CREB5: variants seen among roughly 807,000 people sequenced by gnomAD.
CREB5 encodes the protein cyclic AMP-responsive element-binding protein 5.
In CREB5, 19 loss-of-function variants were observed where a neutral mutation model predicts 57.1. The observed-to-expected ratio is 0.33, with a 90% confidence interval of 0.23 to 0.49. The LOEUF (loss-of-function observed/expected upper bound fraction) is 0.49, where lower values mean the gene tolerates loss of function less well. CREB5 is among the 20% of genes least tolerant of loss of function. The pLI is 0.99. For synonymous variants in CREB5, 238 were observed against 238.3 expected, an observed-to-expected ratio of 1.00 and a Z score of 0.01; for missense variants, 579 against 671.6, an observed-to-expected ratio of 0.86 and a Z score of 1.52.
At chr7:28,415,687 C>A (rs554377895) in intron 1 of CREB5, among the ~76,000 whole-genome samples, 2 of 152,090 alleles carry the variant, frequency 1.3e-5, no homozygotes, top group African/African-American at 4.8e-5. Context: ...GAGTAAAAAC[C>A]AGGCAGGACT....
chr7:28,412,299 A>C (rs972778892), upstream of CREB5, among the ~76,000 whole-genome samples: 3 of 152,188 alleles, frequency 2.0e-5, no homozygotes, highest in African/African-American at 7.2e-5. Context: ...TATCCACTAG[A>C]TGTGGATTAT....
chr7:28,346,747 C>T (rs898043772), intron 1 of CREB5, among the ~76,000 whole-genome samples: 6 of 152,140 alleles, frequency 3.9e-5, no homozygotes, highest in Non-Finnish European at 8.8e-5. Context: ...GAGCGGAGGG[C>T]CATCTTCTGG....
At chr7:28,738,859 G>A (rs149380019) in intron 7 of CREB5, among the ~76,000 whole-genome samples, 26 of 152,226 alleles carry the variant, frequency 1.7e-4, no homozygotes, top group South Asian at 6.2e-4. Context: ...GTCTCTAGCC[G>A]TCCACTGAGC....
chr7:28,644,407 T>C (rs1219588043), intron 5 of CREB5, among the ~76,000 whole-genome samples: 1 of 152,178 alleles, frequency 6.6e-6, no homozygotes, highest in Non-Finnish European at 1.5e-5. Flanking sequence ...TCAGATTATT[T>C]TGATGTAAAC....
Position 28,315,449 on chromosome 7 carries a change from C to T in CREB5, c.-25+16008C>T, listed in dbSNP as rs138548448. 1.2e-4 allele frequency among the ~76,000 whole-genome samples: 19 copies of T among 152,308 alleles called. 1 individual carries two copies. The East Asian group carries it at 3.1e-3, about 25-fold the overall frequency. ...GTTGGACCTGAGCAATGGGCAGGTGCCAGAGAACTCTGGACAAGAAGACGC... is the reference window on the plus strand; with the variant it reads ...GTTGGACCTGAGCAATGGGCAGGTGTCAGAGAACTCTGGACAAGAAGACGC... On this transcript the variant is annotated intron_variant, in intron 1 of 9. Coordinates refer to the CREB5 transcript ENST00000396299.
At chr7:28,565,497 A>T (rs182213934) in intron 4 of CREB5, among the ~76,000 whole-genome samples, 2 of 152,304 alleles carry the variant, frequency 1.3e-5, no homozygotes, top group African/African-American at 4.8e-5. Context: ...TAAAATAAGG[A>T]TAGTAATGCC....
chr7:28,467,312 T>C (rs188851645), intron 1 of CREB5, among the ~76,000 whole-genome samples: 1 of 152,290 alleles, frequency 6.6e-6, no homozygotes, highest in African/African-American at 2.4e-5. Context: ...GGACTGGCCA[T>C]GCCATTATGC....
chr7:28,600,680 T>C (rs1003784837), intron 5 of CREB5, among the ~76,000 whole-genome samples: 1 of 152,164 alleles, frequency 6.6e-6, no homozygotes, highest in Non-Finnish European at 1.5e-5. Context: ...CTATTACAAA[T>C]AAAAGTTAAA....
intron 1 of CREB5, among the ~76,000 whole-genome samples, chr7:28,347,406 T>C (rs1413914966): frequency 6.6e-6 from 1 of 152,194 alleles, no homozygotes; most frequent in Non-Finnish European, 1.5e-5. Flanking sequence ...GACAACAGTG[T>C]TTAGATTGAG....
chr7:28,719,318 G>A (rs558828247), intron 6 of CREB5, among the ~76,000 whole-genome samples: 1 of 152,306 alleles, frequency 6.6e-6, no homozygotes, highest in African/African-American at 2.4e-5. Context: ...TGCATATCAT[G>A]TTCTGTTGTT....
At chr7:28,334,154 T>C (rs755446137) in intron 1 of CREB5, among the ~76,000 whole-genome samples, 1 of 152,146 alleles carries the variant, frequency 6.6e-6, no homozygotes, top group Non-Finnish European at 1.5e-5. Context: ...GTTGAGCAGC[T>C]TTTTTTGTTT....
At chr7:28,569,864 A>G (rs1023159103) in intron 4 of CREB5, among the ~76,000 whole-genome samples, 1 of 152,194 alleles carries the variant, frequency 6.6e-6, no homozygotes, top group African/African-American at 2.4e-5. Context: ...TTGTGTCCTC[A>G]GTCCTGAGAT....
intron 1 of CREB5, among the ~76,000 whole-genome samples, chr7:28,401,988 C>T (rs1311935509): frequency 6.6e-6 from 1 of 152,202 alleles, no homozygotes; most frequent in African/African-American, 2.4e-5. Context: ...AATCACCACA[C>T]TGTCTTCCAC....
chr7:28,542,084 G>A (rs1396146016), intron 4 of CREB5, among the ~76,000 whole-genome samples: 1 of 152,168 alleles, frequency 6.6e-6, no homozygotes, highest in Non-Finnish European at 1.5e-5. Flanking sequence ...AGTAGCCAAC[G>A]TTTGACAAGG....
At chr7:28,399,724 G>T (rs1009608747) in intron 1 of CREB5, among the ~76,000 whole-genome samples, 41 of 152,038 alleles carry the variant, frequency 2.7e-4, no homozygotes, top group Non-Finnish European at 4.4e-4. Flanking sequence ...AGATCAGCCT[G>T]GGCAACATAG....
intron 5 of CREB5, among the ~76,000 whole-genome samples, chr7:28,668,090 G>A (rs184765406): frequency 1.3e-5 from 2 of 152,204 alleles, no homozygotes; most frequent in Non-Finnish European, 2.9e-5. Flanking sequence ...TCTATAGTTA[G>A]GTTGTACCAC....
intron 5 of CREB5, among the ~76,000 whole-genome samples, chr7:28,671,611 A>G (rs1000411957): frequency 6.6e-6 from 1 of 152,216 alleles, no homozygotes; most frequent in Admixed American, 6.5e-5. Context: ...AACCAGACGG[A>G]GAAACCAAGA....
At chr7:28,645,883 C>T (rs1012108278) in intron 5 of CREB5, among the ~76,000 whole-genome samples, 19 of 152,144 alleles carry the variant, frequency 1.2e-4, no homozygotes, top group Non-Finnish European at 1.3e-4. Context: ...TCCAGGTGGG[C>T]CATCATCCAA....
At chr7:28,745,125 T>C (rs1317514419) in intron 7 of CREB5, among the ~76,000 whole-genome samples, 1 of 152,240 alleles carries the variant, frequency 6.6e-6, no homozygotes, top group Non-Finnish European at 1.5e-5. Context: ...TCTCTCTTGC[T>C]CCACGCTGGT....
Sources: gnomAD v4.1 joint callset for allele counts (sites outside exome capture counted in the v4.1 genomes callset) on GRCh38, gnomAD v4.1.1 for gene constraint, MANE v1.5 for transcripts, NCBI Gene and HGNC (gene_info 2026-07-23, HGNC 2026-07-21) for gene names.